CNKSR3: variants seen among roughly 807,000 people sequenced by gnomAD.
CNKSR3 encodes the protein connector enhancer of kinase suppressor of ras 3.
In CNKSR3, 36 loss-of-function variants were observed where a neutral mutation model predicts 67.7. The ratio of observed to expected loss-of-function variants is 0.53; its 90% CI spans 0.41 to 0.70. The LOEUF is 0.70. CNKSR3 is among the 30% of genes least tolerant of loss of function. The pLI is 0.00. For missense variants in CNKSR3, 630 were observed against 695.2 expected (o/e 0.91, Z 1.05); for synonymous variants, 281 against 271.4 (o/e 1.04, Z -0.35).
chr6:154,492,343 G>GTC (rs138437279), intron 1 of CNKSR3, among the ~76,000 whole-genome samples: 23,293 of 151,952 alleles, frequency 0.15, 2,747 homozygotes, highest in African/African-American at 0.33. Flanking sequence ...AGGTCATCCA[G>GTC]TCTCAAAGAT....
chr6:154,389,992 T>G lies in CNKSR3; in HGVS notation c.*16362A>C, dbSNP rs530994480. 6.6e-6 allele frequency: 1 copy of G among 152,252 alleles called. No homozygotes were observed. The highest frequency in any genetic ancestry group is 2.4e-5 in the African/African-American group (1 of 41,464). The allele number at this position is 152,252 out of a possible 1,614,324, so 9.4% of individuals were successfully genotyped here. ...ATAGAAAAATAAACAAACTCAAGTA[T>G]GCAGAGTTAAGTTAATCATAATCTT... On this transcript the variant is annotated 3_prime_UTR_variant, in exon 13 of 13. Coordinates refer to ENST00000607772, the MANE Select transcript of CNKSR3 (RefSeq NM_173515.4).
At chr6:154,428,758 T>G (rs1785306120) in intron 6 of CNKSR3, among the ~76,000 whole-genome samples, 1 of 152,042 alleles carries the variant, frequency 6.6e-6, no homozygotes, top group African/African-American at 2.4e-5. Context: ...TGGGCTCAAG[T>G]GATCCTCCCA....
chr6:154,448,544 T>G (rs953445310), intron 2 of CNKSR3, among the ~76,000 whole-genome samples: 1 of 151,834 alleles, frequency 6.6e-6, no homozygotes, highest in South Asian at 2.1e-4. Flanking sequence ...TGAGCGTTAC[T>G]GTACAGATGG....
At chr6:154,490,252 C>A (rs760465086) in intron 1 of CNKSR3, among the ~76,000 whole-genome samples, 1 of 152,164 alleles carries the variant, frequency 6.6e-6, no homozygotes, top group Non-Finnish European at 1.5e-5. Context: ...GCTTCCCCTA[C>A]AGTAGGGTGA....
chr6:154,410,395 G>A lies in CNKSR3; in HGVS notation c.1317C>T (p.Asn439=). The A allele has an allele frequency of 5.6e-6, 9 of 1,614,116 alleles. No individual in the cohort carries two copies. The highest frequency in any genetic ancestry group is 7.6e-6 in the Non-Finnish European group (9 of 1,179,962). ...CAAAAGGGTCCACAATCCCCATCCA[G>A]TTCCCATCAGCAGGCATGGACAAAG... ...PRPLSMPADG[N]WMGIVDPFAR... Residue 439 remains asparagine (N), a synonymous_variant, in exon 12 of 13, where the codon AAC becomes AAT. Transcript: ENST00000607772.
rs1394207605 is a variant in CNKSR3, at chr6:154,397,784, G to T, written c.*8570C>A. 2 of 152,184 alleles carry T rather than the reference G, an allele frequency of 1.3e-5. No homozygotes were observed. The highest frequency in any genetic ancestry group is 4.8e-5 in the African/African-American group (2 of 41,402). The allele number at this position is 152,184 out of a possible 1,614,324, so 9.4% of individuals were successfully genotyped here. On this transcript the variant is annotated 3_prime_UTR_variant, in exon 13 of 13. Transcript: ENST00000607772. ...GTGTGTGAGATGCACAGGGCAGACA[G>T]TACAGCCTGCAACTGTGATGGAATT...
chr6:154,503,398 G>C (rs1787036567), intron 1 of CNKSR3, among the ~76,000 whole-genome samples: 1 of 152,116 alleles, frequency 6.6e-6, no homozygotes. Context: ...GACCGAGCCG[G>C]GAGGATCACT....
chr6:154,500,660 T>C (rs1786978042), intron 1 of CNKSR3, among the ~76,000 whole-genome samples: 1 of 152,186 alleles, frequency 6.6e-6, no homozygotes, highest in South Asian at 2.1e-4. Flanking sequence ...CCACCAAAAG[T>C]ATGGGAGCTA....
Position 154,464,491 on chromosome 6 carries a change from C to A in CNKSR3, c.53-14233G>T, listed in dbSNP as rs148947960. ...CAGCCCTTTGGGAGGCCGAGGCCTG[C>A]GGAACATGAGGTCAGGAGATCGAGA... is the stretch of plus-strand genomic sequence containing the variant. On this transcript the variant is annotated intron_variant, in intron 1 of 12. Transcript: ENST00000607772. 4.1e-3 allele frequency among the ~76,000 whole-genome samples: 625 copies of A among 151,900 alleles called. 7 individuals carry two copies. The highest frequency in any genetic ancestry group is 0.033 in the East Asian group (171 of 5,114).
rs146192790 is a variant in CNKSR3, at chr6:154,461,177, C to T, written c.53-10919G>A. On this transcript the variant is annotated intron_variant, in intron 1 of 12. Coordinates refer to ENST00000607772, the MANE Select transcript of CNKSR3 (RefSeq NM_173515.4). ...GTGCTGGCCGGGTTATCATCATCTC[C>T]AGTTTATTGGTAAGGAAAGCAAATC... Among the ~76,000 whole-genome samples, 736 of 152,270 alleles carry T rather than the reference C, an allele frequency of 4.8e-3. 3 individuals carry two copies. The highest frequency in any genetic ancestry group is 0.016 in the African/African-American group (683 of 41,552).
Position 154,404,402 on chromosome 6 carries a change from G to A in CNKSR3, c.*1952C>T, listed in dbSNP as rs1784750963. Reference sequence around the variant, plus strand: ...AGACAGGGTTTCACCATGTTGGCCAGGCTGGTCTTGAACTCCTGACCCCAG... The same window carrying A: ...AGACAGGGTTTCACCATGTTGGCCAAGCTGGTCTTGAACTCCTGACCCCAG... On this transcript the variant is annotated 3_prime_UTR_variant, in exon 13 of 13. Coordinates refer to ENST00000607772, the MANE Select transcript of CNKSR3 (RefSeq NM_173515.4). 1 of 152,268 alleles carries A rather than the reference G, an allele frequency of 6.6e-6. No individual in the cohort carries two copies. Among genetic ancestry groups the A allele is most frequent in the Non-Finnish European group, 1.5e-5 (1 of 68,184 alleles). The allele number at this position is 152,268 out of a possible 1,614,324, so 9.4% of individuals were successfully genotyped here.
chr6:154,393,467 C>G lies in CNKSR3; in HGVS notation c.*12887G>C, dbSNP rs1325535204. The G allele has an allele frequency of 1.3e-5, 2 of 152,220 alleles. No individual in the cohort carries two copies. The highest frequency in any genetic ancestry group is 2.9e-5 in the Non-Finnish European group (2 of 68,046). The allele number at this position is 152,220 out of a possible 1,614,324, so 9.4% of individuals were successfully genotyped here. A position where few individuals can be genotyped will look rare whatever the true frequency, so the allele number is the denominator to read the frequency against. ...ATCGCTTCACATGCATATGGACCATCTGATTCTCTTTTGCAAAATGCCTTT... is the reference window on the plus strand; with the variant it reads ...ATCGCTTCACATGCATATGGACCATGTGATTCTCTTTTGCAAAATGCCTTT... On this transcript the variant is annotated 3_prime_UTR_variant, in exon 13 of 13. Coordinates refer to ENST00000607772, the MANE Select transcript of CNKSR3 (RefSeq NM_173515.4).
At chr6:154,446,050 C>T (rs1179751077) in intron 2 of CNKSR3, among the ~76,000 whole-genome samples, 1 of 152,144 alleles carries the variant, frequency 6.6e-6, no homozygotes, top group Non-Finnish European at 1.5e-5. Flanking sequence ...CAAAACTTGT[C>T]TCCTTCAGAA....
chr6:154,465,114 C>G (rs1361425918), intron 1 of CNKSR3, among the ~76,000 whole-genome samples: 1 of 141,038 alleles, frequency 7.1e-6, no homozygotes. Flanking sequence ...GCACTCCAGC[C>G]TGGGCAACTG....
chr6:154,487,574 C>G (rs992660328), intron 1 of CNKSR3, among the ~76,000 whole-genome samples: 4 of 152,138 alleles, frequency 2.6e-5, no homozygotes, highest in Admixed American at 6.5e-5. Context: ...GAGGAACGGC[C>G]CACCCACAAA....
At chr6:154,509,451 C>G (rs1209239968) in intron 1 of CNKSR3, among the ~76,000 whole-genome samples, 18 of 152,214 alleles carry the variant, frequency 1.2e-4, no homozygotes, top group Non-Finnish European at 2.9e-5. Flanking sequence ...CTGGCGCCTC[C>G]CGGAGCAAAA....
chr6:154,400,177 T>C lies in CNKSR3; in HGVS notation c.*6177A>G, dbSNP rs1421333682. On this transcript the variant is annotated 3_prime_UTR_variant, in exon 13 of 13. Transcript: ENST00000607772. ...GTAAAGGAGGCCAGCAAGTAACAGGTTGGCTGTGAGCGTGACATGAATGCT... is the reference window on the plus strand; with the variant it reads ...GTAAAGGAGGCCAGCAAGTAACAGGCTGGCTGTGAGCGTGACATGAATGCT... 1.3e-5 allele frequency: 2 copies of C among 152,186 alleles called. No individual in the cohort carries two copies. Among genetic ancestry groups the C allele is most frequent in the African/African-American group, 4.8e-5 (2 of 41,448 alleles). The allele number at this position is 152,186 out of a possible 1,614,324, so 9.4% of individuals were successfully genotyped here. A position where few individuals can be genotyped will look rare whatever the true frequency, so the allele number is the denominator to read the frequency against.
intron 1 of CNKSR3, among the ~76,000 whole-genome samples, chr6:154,450,748 C>T (rs73574969): frequency 0.022 from 3,353 of 152,234 alleles, 91 homozygotes; most frequent in African/African-American, 0.062. Context: ...TCAAGCAGAA[C>T]CAATCAGAAT....
Position 154,445,351 on chromosome 6 carries a change from C to T in CNKSR3, c.217-3061G>A, listed in dbSNP as rs1234923830. Among the ~76,000 whole-genome samples the T allele has an allele frequency of 2.0e-5, 3 of 151,888 alleles. No homozygotes were observed. In the East Asian group the frequency reaches 5.8e-4, roughly 29 times the overall value. On this transcript the variant is annotated intron_variant, in intron 2 of 12. Coordinates refer to ENST00000607772, the MANE Select transcript of CNKSR3 (RefSeq NM_173515.4). ...ATAATATTGTCCTTCAATAGAGAGA[C>T]AAAAATAAGATGGATTTGCATCACA...
Sources: gnomAD v4.1 joint callset for allele counts (sites outside exome capture counted in the v4.1 genomes callset) on GRCh38, gnomAD v4.1.1 for gene constraint, MANE v1.5 for transcripts, NCBI Gene and HGNC (gene_info 2026-07-23, HGNC 2026-07-21) for gene names.